The following TCERG1L variants were observed in gnomAD, a reference collection of about 807,000 sequenced individuals.
The protein encoded by TCERG1L is transcription elongation regulator 1-like protein.
Under a neutral mutation model 56.3 loss-of-function variants are expected in TCERG1L, and 37 were observed. The observed-to-expected ratio is 0.66, with a 90% CI of 0.51 to 0.87. The LOEUF is 0.87. Among genes scored for constraint, TCERG1L ranks in the 40% least tolerant of loss-of-function variants. The pLI is 0.00. For synonymous variants in TCERG1L, 324 were observed against 326.3 expected (o/e 0.99, Z 0.08); for missense variants, 799 against 774.2 (o/e 1.03, Z -0.38).
At chr10:131,309,076 A>T in intron 2 of TCERG1L, 77 bp downstream of exon 2, 1 of 1,518,864 alleles carries the variant, frequency 6.6e-7, no homozygotes, top group South Asian at 1.3e-5. Flanking sequence ...ATACATGGGT[A>T]TTTTTGTTGT....
chr10:131,306,169 G>A (rs1846816697), intron 3 of TCERG1L, among the ~76,000 whole-genome samples: 1 of 152,082 alleles, frequency 6.6e-6, no homozygotes, highest in Non-Finnish European at 1.5e-5. Flanking sequence ...TAAACAGTTA[G>A]TAACACATAA....
At chr10:131,122,145 ATAAT>A (rs1564795984) in intron 8 of TCERG1L, among the ~76,000 whole-genome samples, 1 of 152,250 alleles carries the variant, frequency 6.6e-6, no homozygotes, top group Non-Finnish European at 1.5e-5. Flanking sequence ...GATATAATAA[ATAAT>A]TAATCTGGTC....
chr10:131,286,516 G>T (rs953047509), intron 3 of TCERG1L, among the ~76,000 whole-genome samples: 2 of 151,986 alleles, frequency 1.3e-5, no homozygotes, highest in South Asian at 2.1e-4. Flanking sequence ...CCTTCCTTCC[G>T]CATTCTAATA....
intron 4 of TCERG1L, among the ~76,000 whole-genome samples, chr10:131,187,968 G>C (rs1845264445): frequency 1.3e-5 from 2 of 152,214 alleles, no homozygotes; most frequent in East Asian, 3.9e-4. Context: ...ATTTGGAGCT[G>C]AGTCACACAG....
At chr10:131,255,007 C>G (rs2133536841) in intron 4 of TCERG1L, among the ~76,000 whole-genome samples, 1 of 152,042 alleles carries the variant, frequency 6.6e-6, no homozygotes, top group South Asian at 2.1e-4. Context: ...TGGAGACGGC[C>G]TCATTCTTAT....
At chr10:131,127,157 A>T (rs1474386323) in intron 8 of TCERG1L, among the ~76,000 whole-genome samples, 1 of 152,254 alleles carries the variant, frequency 6.6e-6, no homozygotes, top group Non-Finnish European at 1.5e-5. Context: ...CCACAAAGGC[A>T]GAGGGGAAGT....
intron 8 of TCERG1L, among the ~76,000 whole-genome samples, chr10:131,126,914 C>T (rs1020367624): frequency 3.3e-5 from 5 of 152,272 alleles, no homozygotes; most frequent in Non-Finnish European, 5.9e-5. Context: ...CTGAGGGAGA[C>T]GGTCAGGGCA....
At chr10:131,214,324 TG>T (rs1397278119) in intron 4 of TCERG1L, among the ~76,000 whole-genome samples, 2 of 133,170 alleles carry the variant, frequency 1.5e-5, no homozygotes, top group Non-Finnish European at 3.5e-5. Flanking sequence ...GGGCCACACA[TG>T]CTCCTGGCTG....
At chr10:131,272,294 C>A (rs746753943) in intron 3 of TCERG1L, among the ~76,000 whole-genome samples, 1 of 152,228 alleles carries the variant, frequency 6.6e-6, no homozygotes, top group Non-Finnish European at 1.5e-5. Context: ...AGGCGCCCTG[C>A]AGATTCAGGA....
chr10:131,249,361 G>C (rs1236825429), intron 4 of TCERG1L, among the ~76,000 whole-genome samples: 1 of 152,166 alleles, frequency 6.6e-6, no homozygotes, highest in Non-Finnish European at 1.5e-5. Flanking sequence ...CCCTGGCAGT[G>C]GCTCCACCCG....
At chr10:131,102,605 A>C (rs1845314798) in intron 10 of TCERG1L, among the ~76,000 whole-genome samples, 1 of 152,350 alleles carries the variant, frequency 6.6e-6, no homozygotes, top group East Asian at 1.9e-4. Flanking sequence ...CCCTGGTCAC[A>C]GAACCCCTCC....
intron 8 of TCERG1L, among the ~76,000 whole-genome samples, chr10:131,124,305 A>G (rs1845543268): frequency 1.3e-5 from 2 of 152,172 alleles, no homozygotes; most frequent in African/African-American, 4.8e-5. Context: ...ACTTTCCAAA[A>G]GAACAAGGTT....
At chr10:131,282,694 T>A (rs143756529) in intron 3 of TCERG1L, among the ~76,000 whole-genome samples, 1 of 152,298 alleles carries the variant, frequency 6.6e-6, no homozygotes, top group East Asian at 1.9e-4. Context: ...CAATCATATC[T>A]GTGATATTGA....
At chr10:131,246,768 G>A (rs1296042959) in intron 4 of TCERG1L, among the ~76,000 whole-genome samples, 1 of 152,170 alleles carries the variant, frequency 6.6e-6, no homozygotes, top group Non-Finnish European at 1.5e-5. Flanking sequence ...CCTTGAGGCT[G>A]GGCCATCCCC....
rs1186155720 is a variant in TCERG1L at position 131,290,418 on chromosome 10, G to A, written c.670+17793C>T. ...AGGCTGAGGCGGGCAGATCACCTGA[G>A]GCTGGGAATTCGAGACCAGCCTGAC... On this transcript the variant is annotated intron_variant, in intron 3 of 11. Coordinates refer to ENST00000368642, the MANE Select transcript of TCERG1L (RefSeq NM_174937.4). Among the ~76,000 whole-genome samples, 5 of 152,228 alleles carry A rather than the reference G, an allele frequency of 3.3e-5. No individual in the cohort carries two copies. The East Asian group carries it at 5.8e-4, about 18-fold the overall frequency.
chr10:131,113,609 C>T (rs2133387912), intron 9 of TCERG1L, among the ~76,000 whole-genome samples: 1 of 142,024 alleles, frequency 7.0e-6, no homozygotes, highest in South Asian at 2.6e-4. Context: ...CTCTGTGAAT[C>T]CCTCACTCCA....
intron 4 of TCERG1L, among the ~76,000 whole-genome samples, chr10:131,248,222 A>G (rs1846062352): frequency 6.8e-6 from 1 of 148,066 alleles, no homozygotes; most frequent in African/African-American, 2.6e-5. Context: ...TCTCTCACAC[A>G]CAACTCACAC....
chr10:131,253,776 G>A (rs1482929350), intron 4 of TCERG1L, among the ~76,000 whole-genome samples: 1 of 152,144 alleles, frequency 6.6e-6, no homozygotes, highest in East Asian at 1.9e-4. Context: ...GTGGCTGGAT[G>A]CTGTTCAATC....
chr10:131,276,218 C>A (rs952117644), intron 3 of TCERG1L, among the ~76,000 whole-genome samples: 3 of 152,176 alleles, frequency 2.0e-5, no homozygotes, highest in Non-Finnish European at 4.4e-5. Context: ...CAGCAACATC[C>A]CTCTAAGTAC....
Sources: allele counts gnomAD v4.1 joint callset (sites outside exome capture counted in the v4.1 genomes callset), GRCh38; gene constraint gnomAD v4.1.1; transcripts MANE v1.5; gene names NCBI Gene and HGNC (gene_info 2026-07-23, HGNC 2026-07-21).